RIMKLA: variants seen among roughly 807,000 people sequenced by gnomAD.
The protein encoded by RIMKLA is ribosomal modification protein rimK like family member A.
A neutral mutation model predicts 32.7 loss-of-function variants in RIMKLA; 14 were observed. That is an observed-to-expected ratio of 0.43 (90% confidence interval 0.28 to 0.67). RIMKLA has a LOEUF of 0.67. Ranked by LOEUF, RIMKLA falls within the 30% of genes least tolerant of loss-of-function variation. The pLI is 0.18. For synonymous variants in RIMKLA, 176 were observed against 204.1 expected (o/e 0.86, Z 1.18); for missense variants, 410 against 519.0 (o/e 0.79, Z 2.04).
chr1:42,396,560 TGTG>T (rs1643050124), intron 1 of RIMKLA: 1 of 152,210 alleles, frequency 6.6e-6, no homozygotes, highest in Non-Finnish European at 1.5e-5. Flanking sequence ...TCTGTCCACT[TGTG>T]GTTGGTATTT....
At chr1:42,411,277 G>A (rs891217709) in intron 4 of RIMKLA, among the ~76,000 whole-genome samples, 1 of 151,414 alleles carries the variant, frequency 6.6e-6, no homozygotes, top group African/African-American at 2.4e-5. Flanking sequence ...TGAGGCTGCA[G>A]TGAGCTATGA....
chr1:42,406,104 C>A (rs1643145394), intron 3 of RIMKLA, among the ~76,000 whole-genome samples: 1 of 152,122 alleles, frequency 6.6e-6, no homozygotes, highest in Admixed American at 6.6e-5. Flanking sequence ...CTATTCCAGG[C>A]TTTGGGGATA....
chr1:42,385,717 C>CTCTT (rs35500484), intron 1 of RIMKLA, among the ~76,000 whole-genome samples: 9,715 of 108,962 alleles, frequency 0.089, 623 homozygotes, highest in East Asian at 0.17. Flanking sequence ...TTCTTTCCTT[C>CTCTT]TCTTTCTTTC....
In RIMKLA at chr1:42,394,322, A is replaced by T. The variant is rs1570319413; in HGVS notation, c.164-5082A>T. ...TTGGTGTTGAAGCTTTCTTTAGTGA[A>T]TCCAAGGATGCACATGTGTGCACAC... On this transcript the variant is annotated intron_variant, in intron 1 of 4. Coordinates refer to ENST00000431473, the MANE Select transcript of RIMKLA (RefSeq NM_173642.4). 2.0e-5 allele frequency among the ~76,000 whole-genome samples: 3 copies of T among 152,184 alleles called. No individual in the cohort carries two copies. In the East Asian group the frequency reaches 5.8e-4, roughly 29 times the overall value.
intron 1 of RIMKLA, among the ~76,000 whole-genome samples, chr1:42,382,700 C>T (rs1424640324): frequency 6.6e-6 from 1 of 152,070 alleles, no homozygotes; most frequent in African/African-American, 2.4e-5. Flanking sequence ...AGAAAATGCT[C>T]TGTATCTAAA....
At chr1:42,398,372 A>C (rs1643065269) in intron 1 of RIMKLA, among the ~76,000 whole-genome samples, 1 of 152,198 alleles carries the variant, frequency 6.6e-6, no homozygotes, top group Non-Finnish European at 1.5e-5. Flanking sequence ...CTTTGGATGC[A>C]TTCTAGTTTT....
intron 2 of RIMKLA, among the ~76,000 whole-genome samples, chr1:42,402,837 C>G (rs1643112209): frequency 6.6e-6 from 1 of 152,128 alleles, no homozygotes; most frequent in African/African-American, 2.4e-5. Context: ...GCAGTCCGCC[C>G]ACCTCGGCGC....
At chr1:42,411,521 C>T (rs894076135) in intron 4 of RIMKLA, among the ~76,000 whole-genome samples, 1 of 151,264 alleles carries the variant, frequency 6.6e-6, no homozygotes, top group Non-Finnish European at 1.5e-5. Flanking sequence ...AATGCAGTGG[C>T]GTGATCCCAG....
At chr1:42,386,086 T>G (rs1362715906) in intron 1 of RIMKLA, among the ~76,000 whole-genome samples, 1 of 151,602 alleles carries the variant, frequency 6.6e-6, no homozygotes, top group African/African-American at 2.4e-5. Context: ...CATACCGGGC[T>G]AATGTTTTGT....
intron 4 of RIMKLA, among the ~76,000 whole-genome samples, chr1:42,412,026 T>C (rs761790536): frequency 1.3e-5 from 2 of 152,178 alleles, no homozygotes; most frequent in Non-Finnish European, 2.9e-5. Flanking sequence ...GTGTTATCAT[T>C]TTGACTTTTT....
chr1:42,382,871 T>C (rs932854721), intron 1 of RIMKLA, among the ~76,000 whole-genome samples: 2 of 152,108 alleles, frequency 1.3e-5, no homozygotes, highest in East Asian at 3.8e-4. Flanking sequence ...TTTTTGTTTT[T>C]TTTGAGACAG....
intron 1 of RIMKLA, among the ~76,000 whole-genome samples, chr1:42,399,093 A>G (rs949124848): frequency 6.6e-6 from 1 of 152,056 alleles, no homozygotes; most frequent in Non-Finnish European, 1.5e-5. Flanking sequence ...CTAAGCCACT[A>G]CACTTTGAGT....
intron 1 of RIMKLA, among the ~76,000 whole-genome samples, chr1:42,392,966 T>A (rs1204340459): frequency 6.6e-6 from 1 of 152,162 alleles, no homozygotes; most frequent in African/African-American, 2.4e-5. Context: ...CACTCCAGCC[T>A]GGATGACAGA....
chr1:42,385,705 T>G, intron 1 of RIMKLA, among the ~76,000 whole-genome samples: 1 of 149,784 alleles, frequency 6.7e-6, no homozygotes, highest in South Asian at 2.2e-4. Flanking sequence ...TAGATTTCCT[T>G]TTTCTTTCCT....
At chr1:42,385,911 TTTCC>T (rs1259362400) in intron 1 of RIMKLA, among the ~76,000 whole-genome samples, 2 of 134,924 alleles carry the variant, frequency 1.5e-5, no homozygotes, top group African/African-American at 2.7e-5. Context: ...TCTTTCCTTC[TTTCC>T]TTCTTTCTTT....
chr1:42,402,259 G>C (rs1455342668), intron 2 of RIMKLA, among the ~76,000 whole-genome samples: 3 of 152,214 alleles, frequency 2.0e-5, no homozygotes, highest in Non-Finnish European at 4.4e-5. Flanking sequence ...GATTATGTTA[G>C]TTTATGTGGC....
chr1:42,406,632 A>T (rs933275503), intron 3 of RIMKLA, among the ~76,000 whole-genome samples: 1 of 152,122 alleles, frequency 6.6e-6, no homozygotes, highest in Non-Finnish European at 1.5e-5. Flanking sequence ...TCCACCAGCA[A>T]TGTTTGAGGG....
intron 1 of RIMKLA, among the ~76,000 whole-genome samples, chr1:42,385,848 T>TCTCTCTCTCTCTCTCTTTCTC (rs1557749953): frequency 6.0e-5 from 1 of 16,690 alleles, no homozygotes; most frequent in African/African-American, 1.6e-4. Context: ...TTCTTTCTCT[T>TCTCTCTCTCTCTCTCTTTCTC]TCTTTCTTTC....
At position 42,385,891 on chromosome 1, in the gene RIMKLA, T is replaced by C. The variant is rs10443266; in HGVS notation, c.163+4794T>C. ...CTTTCTTTCTTTCTTTCTTTCTTTC[T>C]TTCTTTCCTTCTTTCCTTCTTTCCT... On this transcript the variant is annotated intron_variant, in intron 1 of 4. Transcript: ENST00000431473. Among the ~76,000 whole-genome samples, 671 of 76,990 alleles carry C rather than the reference T, an allele frequency of 8.7e-3. 4 individuals carry two copies. The highest frequency in any genetic ancestry group is 0.028 in the African/African-American group (556 of 19,986). 50.5% of individuals were successfully genotyped at this position (76,990 alleles called of 152,430 possible).
Sources: allele counts gnomAD v4.1 joint callset (sites outside exome capture counted in the v4.1 genomes callset), GRCh38; gene constraint gnomAD v4.1.1; transcripts MANE v1.5; gene names NCBI Gene and HGNC (gene_info 2026-07-23, HGNC 2026-07-21).